Variants in PDCD2 observed in about 807,000 individuals in gnomAD.
PDCD2 encodes the protein uS5 assembly chaperone PDCD2.
A neutral mutation model predicts 38.1 loss-of-function variants in PDCD2; 38 were observed. The ratio of observed to expected loss-of-function variants is 1.00; its 90% confidence interval spans 0.77 to 1.31. The LOEUF (loss-of-function observed/expected upper bound fraction) is 1.31. PDCD2 is among the 50% of genes most tolerant of loss of function. The pLI is 0.00. For missense variants in PDCD2, 473 were observed against 435.7 expected (o/e 1.09, Z -0.76); for synonymous variants, 205 against 168.9 (o/e 1.21, Z -1.66).
chr6:170,576,751 T>C lies in PDCD2; in HGVS notation c.*808A>G, dbSNP rs1231649337. 2 of 152,258 alleles carry C rather than the reference T, an allele frequency of 1.3e-5. No individual in the cohort carries two copies. Among genetic ancestry groups the C allele is most frequent in the African/African-American group, 4.8e-5 (2 of 41,468 alleles). 9.4% of individuals were successfully genotyped at this position (152,258 alleles called of 1,614,324 possible). A position where few individuals can be genotyped will look rare whatever the true frequency, so the allele number is the denominator to read the frequency against. On this transcript the variant is annotated 3_prime_UTR_variant, in exon 6 of 6. Transcript: ENST00000541970. The stretch of plus-strand genomic sequence containing the variant: ...CCTTGTATGTGCGATAGGGAACCTG[T>C]ATACAATGCTGACACGGAAAGGGAA...
At position 170,575,596 on chromosome 6, in the gene PDCD2, TTTTAA is replaced by T. The variant is rs1440267187; in HGVS notation, c.*1958_*1962del. ...CTAAAGGCAACTTGCTTAATGCATT[TTTTAA>T]TTTAAATTTTTTATGTTGTACAGTT... On this transcript the variant is annotated 3_prime_UTR_variant, in exon 6 of 6. Coordinates refer to ENST00000541970, the MANE Select transcript of PDCD2 (RefSeq NM_002598.4). 1 of 152,250 alleles carries T rather than the reference TTTTAA, an allele frequency of 6.6e-6. No homozygotes were observed. The highest frequency in any genetic ancestry group is 1.5e-5 in the Non-Finnish European group (1 of 68,044). The allele number at this position is 152,250 out of a possible 1,614,324, so 9.4% of individuals were successfully genotyped here. A position where few individuals can be genotyped will look rare whatever the true frequency, so the allele number is the denominator to read the frequency against.
chr6:170,579,922 A>G (rs1562367301), intron 4 of PDCD2, 80 bp downstream of exon 4: 2 of 790,544 alleles, frequency 2.5e-6, no homozygotes, highest in East Asian at 2.4e-5. Context: ...TAATGTTACT[A>G]TGAAGTTATT....
Position 170,583,682 on chromosome 6 carries a change from G to C in PDCD2, c.349C>G (p.Pro117Ala). The change falls in exon 2 of 6, where the codon CCC becomes GCC. Residue 117 changes from proline to alanine, a missense_variant. Coordinates refer to ENST00000541970, the MANE Select transcript of PDCD2 (RefSeq NM_002598.4). ...CACACTGATTCTCCTGTTTCTGGGG[G>C]AGGATTCTCAGAAGGTGGCTCATAT... Reference protein sequence around the residue: ...YSYEPPSENPPPETGESVCLQ... With the variant: ...YSYEPPSENPAPETGESVCLQ... The C allele has an allele frequency of 6.2e-7, 1 of 1,613,578 alleles. No homozygotes were observed. Among genetic ancestry groups the C allele is most frequent in the Non-Finnish European group, 8.5e-7 (1 of 1,179,478 alleles).
In PDCD2 at chr6:170,580,549, T is replaced by C. The variant is rs2115012913; in HGVS notation, c.659-444A>G. On this transcript the variant is annotated intron_variant, in intron 3 of 5. Transcript: ENST00000541970. ...GGCCAACATGGTGAAATCCCGTATC[T>C]ACTAAAAATATAAAAATTAGCCAGA... Among the ~76,000 whole-genome samples the C allele has an allele frequency of 1.3e-5, 2 of 152,252 alleles. 1 individual carries two copies. Among genetic ancestry groups the C allele is most frequent in the South Asian group, 4.1e-4 (2 of 4,820 alleles).
intron 3 of PDCD2, chr6:170,582,602 C>T (rs1257709464): frequency 4.7e-6 from 6 of 1,274,188 alleles, no homozygotes; most frequent in Non-Finnish European, 6.0e-6. Flanking sequence ...ATAAAATAAG[C>T]CTCTAAGATA....
At chr6:170,582,422 G>C (rs1052338332) in intron 3 of PDCD2, 40 of 1,454,208 alleles carry the variant, frequency 2.8e-5, no homozygotes, top group Admixed American at 7.7e-5. Flanking sequence ...GGCTCAAATT[G>C]TAAAATTTAA....
Position 170,578,859 on chromosome 6 carries a change from G to C in PDCD2, c.874C>G (p.Gln292Glu). The change falls in exon 5 of 6, where the codon CAG becomes GAG. Residue 292 changes from glutamine to glutamate, a missense_variant and splice_region_variant. By Grantham distance (29) the Gln-to-Glu change is conservative. Transcript: ENST00000541970. The stretch of plus-strand genomic sequence containing the variant: ...ATGGTCCTTATTTAAGGTCATACCT[G>C]GAATTCCAATATTCTCTTGGCACCA... Reference protein sequence around the residue: ...PCGAKRILEFQVMPQLLNYLK... With the variant: ...PCGAKRILEFEVMPQLLNYLK... 6.4e-7 allele frequency: 1 copy of C among 1,565,302 alleles called. No homozygotes were observed. Among genetic ancestry groups the C allele is most frequent in the Non-Finnish European group, 8.8e-7 (1 of 1,136,338 alleles).
In PDCD2 at chr6:170,576,738, G is replaced by C. The variant is rs988012319; in HGVS notation, c.*821C>G. 1 of 152,216 alleles carries C rather than the reference G, an allele frequency of 6.6e-6. No individual in the cohort carries two copies. The highest frequency in any genetic ancestry group is 1.5e-5 in the Non-Finnish European group (1 of 68,052). 9.4% of individuals were successfully genotyped at this position (152,216 alleles called of 1,614,324 possible). A position where few individuals can be genotyped will look rare whatever the true frequency, so the allele number is the denominator to read the frequency against. On this transcript the variant is annotated 3_prime_UTR_variant, in exon 6 of 6. Transcript: ENST00000541970. ...TACATTCCATAACCCTTGTATGTGCGATAGGGAACCTGTATACAATGCTGA... is the reference window on the plus strand; with the variant it reads ...TACATTCCATAACCCTTGTATGTGCCATAGGGAACCTGTATACAATGCTGA...
At chr6:170,581,808 A>G (rs1408935478) in intron 3 of PDCD2, 3 of 196,120 alleles carry the variant, frequency 1.5e-5, no homozygotes, top group Non-Finnish European at 2.1e-5. Context: ...CTCAGGGCAT[A>G]TTCTACTAGA....
Position 170,577,404 on chromosome 6 carries a change from C to G in PDCD2, c.*155G>C. Reference sequence around the variant, plus strand: ...TTATTTAATTCCCTGTCACTGGACACTTTTGTTTCACTAATAAGTAGACAC... The same window carrying G: ...TTATTTAATTCCCTGTCACTGGACAGTTTTGTTTCACTAATAAGTAGACAC... On this transcript the variant is annotated 3_prime_UTR_variant, in exon 6 of 6. Transcript: ENST00000541970. 6.3e-6 allele frequency: 4 copies of G among 639,368 alleles called. No individual in the cohort carries two copies. Among genetic ancestry groups the G allele is most frequent in the South Asian group, 2.1e-5 (1 of 46,722 alleles). The allele number at this position is 639,368 out of a possible 1,614,324, so 39.6% of individuals were successfully genotyped here.
rs1779718744 is a variant in PDCD2 at position 170,583,991 on chromosome 6, T to C, written c.284-244A>G. 5 of 550,360 alleles carry C rather than the reference T, an allele frequency of 9.1e-6. No homozygotes were observed. In the South Asian group the frequency reaches 1.2e-4, roughly 14 times the overall value. The allele number at this position is 550,360 out of a possible 1,614,324, so 34.1% of individuals were successfully genotyped here. On this transcript the variant is annotated intron_variant, in intron 1 of 5. Transcript: ENST00000541970. ...GATCGTTAAGAACGACTGCCAAAAA[T>C]ACGAAAAAGCTACTGGGATCCATCT...
rs1779447205 is a variant in PDCD2 at position 170,576,145 on chromosome 6, C to T, written c.*1414G>A. On this transcript the variant is annotated 3_prime_UTR_variant, in exon 6 of 6. Transcript: ENST00000541970. ...CCATCCCAGGTTCGAAACTAGTATC[C>T]TCTAGCTCTTAAGTAGCTGATAACC... is the stretch of plus-strand genomic sequence containing the variant. The T allele has an allele frequency of 6.6e-6, 1 of 152,134 alleles. No homozygotes were observed. The highest frequency in any genetic ancestry group is 2.4e-5 in the African/African-American group (1 of 41,434). The allele number at this position is 152,134 out of a possible 1,614,324, so 9.4% of individuals were successfully genotyped here. A position where few individuals can be genotyped will look rare whatever the true frequency, so the allele number is the denominator to read the frequency against.
chr6:170,577,384 T>G lies in PDCD2; in HGVS notation c.*175A>C. On this transcript the variant is annotated 3_prime_UTR_variant, in exon 6 of 6. Coordinates refer to ENST00000541970, the MANE Select transcript of PDCD2 (RefSeq NM_002598.4). Reference sequence around the variant, plus strand: ...CTCTGTGGATGTACCAAAATTTATTTAATTCCCTGTCACTGGACACTTTTG... The same window carrying G: ...CTCTGTGGATGTACCAAAATTTATTGAATTCCCTGTCACTGGACACTTTTG... The G allele has an allele frequency of 8.6e-6, 5 of 584,202 alleles. No homozygotes were observed. The highest frequency in any genetic ancestry group is 1.5e-5 in the Non-Finnish European group (5 of 334,556). The allele number at this position is 584,202 out of a possible 1,614,324, so 36.2% of individuals were successfully genotyped here. A position where few individuals can be genotyped will look rare whatever the true frequency, so the allele number is the denominator to read the frequency against.
chr6:170,584,614 C>T lies in PDCD2; in HGVS notation c.-33G>A, dbSNP rs1562371958. On this transcript the variant is annotated 5_prime_UTR_variant, in exon 1 of 6. In the 5' UTR this introduces an upstream ATG that the reference lacks. Coordinates refer to ENST00000541970, the MANE Select transcript of PDCD2 (RefSeq NM_002598.4). ...GCGGGCTGGCGTGGGGCGCAGCCCA[C>T]AGCTGGGTCGGAAGGCGGAAATCGG... 1.7e-6 allele frequency: 2 copies of T among 1,199,266 alleles called. No homozygotes were observed. Among genetic ancestry groups the T allele is most frequent in the Non-Finnish European group, 2.1e-6 (2 of 951,454 alleles). The allele number at this position is 1,199,266 out of a possible 1,614,324, so 74.3% of individuals were successfully genotyped here.
intron 3 of PDCD2, chr6:170,582,572 G>A (rs1779644596): frequency 7.6e-7 from 1 of 1,310,786 alleles, no homozygotes; most frequent in Non-Finnish European, 9.7e-7. Flanking sequence ...GTAAGTGCTG[G>A]ATAAATGTTG....
rs763817884 is a variant in PDCD2, at chr6:170,584,429, G to C, written c.153C>G (p.Cys51Trp). The C allele has an allele frequency of 7.3e-7, 1 of 1,370,144 alleles. No homozygotes were observed. The highest frequency in any genetic ancestry group is 3.2e-5 in the Admixed American group (1 of 30,982). 84.9% of individuals were successfully genotyped at this position (1,370,144 alleles called of 1,614,324 possible). A position where few individuals can be genotyped will look rare whatever the true frequency, so the allele number is the denominator to read the frequency against. ...AGGAGAGCGGGCGGCCGCACAGCTC[G>C]CAGGCCAGGGCCTGGGGCCCCGGCA... ...AGLPGPQALA[C>W]ELCGRPLSFL... Residue 51 changes from cysteine to tryptophan, a missense_variant, in exon 1 of 6, where the codon TGC (cysteine) becomes TGG (tryptophan). By Grantham distance (215) the Cys-to-Trp change is radical. Transcript: ENST00000541970.
At position 170,584,480 on chromosome 6, in the gene PDCD2, C is replaced by T; in HGVS notation, c.102G>A (p.Arg34=). ...GCCCGGCCGCGCCCAGCCATGCCGG[C>T]CGCCCGCCCACCTTGCTGGGGAACT... ...SEQFPSKVGG[R]PAWLGAAGLP... The change falls in exon 1 of 6, where the codon CGG becomes CGA. Residue 34 remains arginine (R), a synonymous_variant. Transcript: ENST00000541970. 2 of 1,315,526 alleles carry T rather than the reference C, an allele frequency of 1.5e-6. No homozygotes were observed. The highest frequency in any genetic ancestry group is 9.6e-7 in the Non-Finnish European group (1 of 1,039,992). 81.5% of individuals were successfully genotyped at this position (1,315,526 alleles called of 1,614,324 possible).
rs941916018 is a variant in PDCD2 at position 170,575,361 on chromosome 6, G to A, written c.*2198C>T. On this transcript the variant is annotated 3_prime_UTR_variant, in exon 6 of 6. Coordinates refer to ENST00000541970, the MANE Select transcript of PDCD2 (RefSeq NM_002598.4). ...ATCTGAAATTGCCAAAGGATATTCA[G>A]TATCTGAAATAAAAAGGCAAAGCTG... The A allele has an allele frequency of 6.6e-6, 1 of 151,598 alleles. No individual in the cohort carries two copies. The highest frequency in any genetic ancestry group is 1.9e-4 in the East Asian group (1 of 5,170). The allele number at this position is 151,598 out of a possible 1,614,324, so 9.4% of individuals were successfully genotyped here. A position where few individuals can be genotyped will look rare whatever the true frequency, so the allele number is the denominator to read the frequency against.
At chr6:170,578,477 T>TTTATATA in intron 5 of PDCD2, 2 of 604,598 alleles carry the variant, frequency 3.3e-6, no homozygotes, top group Non-Finnish European at 5.8e-6. Context: ...TAAAGACTCC[T>TTTATATA]CTCATAAAGT....
Sources: allele counts gnomAD v4.1 joint callset (sites outside exome capture counted in the v4.1 genomes callset), GRCh38; gene constraint gnomAD v4.1.1; transcripts MANE v1.5; gene names NCBI Gene and HGNC (gene_info 2026-07-23, HGNC 2026-07-21).